RORA: variants seen among roughly 807,000 people sequenced by gnomAD.
RORA encodes nuclear receptor ROR-alpha.
RORA carries 7 observed loss-of-function variants against 69.5 expected under a neutral mutation model. That is an observed-to-expected ratio of 0.10 (90% CI 0.06 to 0.19). RORA has a LOEUF of 0.19. RORA is among the 10% of genes least tolerant of loss of function. The pLI is 1.00. For missense variants in RORA, 457 were observed against 663.0 expected, an observed-to-expected ratio of 0.69 and a Z score of 3.41; for synonymous variants, 261 against 240.8, an observed-to-expected ratio of 1.08 and a Z score of -0.78.
intron 1 of RORA, among the ~76,000 whole-genome samples, chr15:60,902,910 G>T (rs1353853687): frequency 6.6e-6 from 1 of 152,344 alleles, no homozygotes; most frequent in South Asian, 2.1e-4. Flanking sequence ...CTGAAAGGAA[G>T]ATTTATAAAT....
intron 1 of RORA, among the ~76,000 whole-genome samples, chr15:61,079,007 GGTA>G: frequency 6.6e-6 from 1 of 152,178 alleles, no homozygotes; most frequent in Middle Eastern, 3.4e-3. Flanking sequence ...TTCCACAAGT[GGTA>G]GGTACAAGTG....
chr15:60,578,707 C>A (rs1596004713), intron 2 of RORA, among the ~76,000 whole-genome samples: 1 of 149,578 alleles, frequency 6.7e-6, no homozygotes, highest in Non-Finnish European at 1.5e-5. Context: ...ACTTGAGGGT[C>A]AAAATTTAAT....
chr15:60,838,056 G>T (rs927905071), intron 1 of RORA, among the ~76,000 whole-genome samples: 1 of 152,116 alleles, frequency 6.6e-6, no homozygotes, highest in African/African-American at 2.4e-5. Context: ...ATCCTTCAAG[G>T]CTTGGCTTCC....
intron 1 of RORA, among the ~76,000 whole-genome samples, chr15:61,191,365 CAAAAAA>C (rs55815707): frequency 7.3e-6 from 1 of 136,586 alleles, no homozygotes; most frequent in Non-Finnish European, 1.6e-5. Context: ...CTCCTTGTAG[CAAAAAA>C]AAAAAAAAAA....
At chr15:60,978,979 T>TTTTTTTTTTTTG (rs1893953471) in intron 1 of RORA, among the ~76,000 whole-genome samples, 1 of 146,650 alleles carries the variant, frequency 6.8e-6, no homozygotes, top group African/African-American at 2.6e-5. Context: ...TTTTTTTTTT[T>TTTTTTTTTTTTG]GAGACGGAGT....
At chr15:60,874,169 A>C (rs1030870630) in intron 1 of RORA, among the ~76,000 whole-genome samples, 1 of 152,218 alleles carries the variant, frequency 6.6e-6, no homozygotes, top group African/African-American at 2.4e-5. Flanking sequence ...TATACATTTG[A>C]ACATTAAATT....
intron 1 of RORA, among the ~76,000 whole-genome samples, chr15:60,919,720 T>C (rs772021451): frequency 6.6e-6 from 1 of 152,240 alleles, no homozygotes; most frequent in Non-Finnish European, 1.5e-5. Flanking sequence ...CCTTTTCCTC[T>C]AGCTGCTAGG....
At chr15:61,210,223 G>A (rs1392838584) in intron 1 of RORA, among the ~76,000 whole-genome samples, 1 of 152,192 alleles carries the variant, frequency 6.6e-6, no homozygotes, top group African/African-American at 2.4e-5. Flanking sequence ...GTATACTGAT[G>A]ATCTTACACT....
intron 1 of RORA, among the ~76,000 whole-genome samples, chr15:60,738,298 G>A (rs1226889781): frequency 6.6e-6 from 1 of 152,202 alleles, no homozygotes; most frequent in Admixed American, 6.5e-5. Flanking sequence ...AAGAAAGGAG[G>A]AGCATCAGCA....
chr15:60,611,841 G>A (rs2069100649), intron 2 of RORA, among the ~76,000 whole-genome samples: 1 of 152,202 alleles, frequency 6.6e-6, no homozygotes, highest in South Asian at 2.1e-4. Context: ...GACTAACTGA[G>A]TCTACTCTGC....
At chr15:60,853,590 C>A (rs1374061378) in intron 1 of RORA, among the ~76,000 whole-genome samples, 3 of 152,156 alleles carry the variant, frequency 2.0e-5, no homozygotes, top group Non-Finnish European at 4.4e-5. Context: ...CTCATGACAA[C>A]CCTTTGAATT....
intron 1 of RORA, among the ~76,000 whole-genome samples, chr15:60,790,576 G>A (rs2072400877): frequency 6.6e-6 from 1 of 152,196 alleles, no homozygotes; most frequent in African/African-American, 2.4e-5. Flanking sequence ...ATTTTAAAGT[G>A]CCTAGGCAAG....
intron 1 of RORA, among the ~76,000 whole-genome samples, chr15:60,947,508 G>A (rs1892930805): frequency 6.6e-6 from 1 of 151,804 alleles, no homozygotes; most frequent in East Asian, 1.9e-4. Flanking sequence ...CTCGTTAAGA[G>A]TCATCACCAC....
chr15:60,583,570 T>C (rs1204420343), intron 2 of RORA, among the ~76,000 whole-genome samples: 1 of 151,664 alleles, frequency 6.6e-6, no homozygotes, highest in Non-Finnish European at 1.5e-5. Flanking sequence ...CGAAAAGGAG[T>C]ACAGTATTTG....
At chr15:60,860,130 G>A (rs149128178) in intron 1 of RORA, among the ~76,000 whole-genome samples, 2 of 152,156 alleles carry the variant, frequency 1.3e-5, no homozygotes, top group Admixed American at 1.3e-4. Context: ...TTCAAGCTTT[G>A]TGTTTCTGAC....
chr15:61,084,901 G>A (rs1453379858), intron 1 of RORA, among the ~76,000 whole-genome samples: 2 of 149,756 alleles, frequency 1.3e-5, no homozygotes, highest in South Asian at 2.1e-4. Flanking sequence ...TGTTGTGAGT[G>A]TGTGTGTATT....
intron 1 of RORA, among the ~76,000 whole-genome samples, chr15:60,935,319 G>T (rs572257696): frequency 6.6e-6 from 1 of 152,168 alleles, no homozygotes; most frequent in Non-Finnish European, 1.5e-5. Context: ...CTTCACAAAG[G>T]GTTGTTTAAT....
At chr15:61,005,956 T>C (rs1566940826) in intron 1 of RORA, among the ~76,000 whole-genome samples, 1 of 111,308 alleles carries the variant, frequency 9.0e-6, no homozygotes, top group Admixed American at 8.3e-5. Flanking sequence ...TTTTTGTTTG[T>C]TTGTTTTGTT....
intron 1 of RORA, among the ~76,000 whole-genome samples, chr15:60,902,355 G>T (rs1891416305): frequency 6.6e-6 from 1 of 152,018 alleles, no homozygotes; most frequent in Non-Finnish European, 1.5e-5. Flanking sequence ...GGATTTGTGG[G>T]CTGTGGATCA....
Sources: gnomAD v4.1 joint callset for allele counts (sites outside exome capture counted in the v4.1 genomes callset) on GRCh38, gnomAD v4.1.1 for gene constraint, MANE v1.5 for transcripts, NCBI Gene and HGNC (gene_info 2026-07-23, HGNC 2026-07-21) for gene names.